The following SYCP1 variants were observed in gnomAD, a reference collection of about 807,000 sequenced individuals.
The protein encoded by SYCP1 is synaptonemal complex protein 1, also known as cancer/testis antigen 8.
SYCP1 carries 64 observed loss-of-function variants against 153.1 expected under a neutral mutation model. The observed-to-expected ratio is 0.42, with a 90% confidence interval of 0.34 to 0.51. The LOEUF (loss-of-function observed/expected upper bound fraction) is 0.51, where lower values mean the gene tolerates loss of function less well. Ranked by LOEUF, SYCP1 falls within the 20% of genes least tolerant of loss-of-function variation. SYCP1 has a pLI of 0.06. For missense variants in SYCP1, 997 were observed against 1,049.0 expected (o/e 0.95, Z 0.68); for synonymous variants, 384 against 341.8 (o/e 1.12, Z -1.36).
At chr1:114,923,367 G>T in intron 20 of SYCP1, 82 bp from the exon 21 acceptor site, 2 of 1,392,244 alleles carry the variant, frequency 1.4e-6, no homozygotes, top group South Asian at 1.4e-5. Context: ...TGGTCTTTAA[G>T]ACTTCCTTAT....
intron 27 of SYCP1, among the ~76,000 whole-genome samples, chr1:114,962,911 C>T (rs958041316): frequency 3.9e-5 from 6 of 152,120 alleles, no homozygotes; most frequent in Admixed American, 3.3e-4. Flanking sequence ...AAGACTTTAT[C>T]TTTTCTTCAT....
rs1374355168 is a variant in SYCP1 at position 114,955,325 on chromosome 1, A to AT, written c.2322+8011dup. On this transcript the variant is annotated intron_variant, in intron 27 of 31. Coordinates refer to ENST00000369522, the MANE Select transcript of SYCP1 (RefSeq NM_003176.4). Reference sequence around the variant, plus strand: ...GGCACTTGCTAGATTTAATCTGCTAATTTTTTGTTGAGGATTTAAAATATA... The same window carrying AT: ...GGCACTTGCTAGATTTAATCTGCTAATTTTTTTGTTGAGGATTTAAAATATA... Among the ~76,000 whole-genome samples the AT allele has an allele frequency of 7.2e-5, 11 of 152,176 alleles. No individual in the cohort carries two copies. In the East Asian group the frequency reaches 2.1e-3, roughly 29 times the overall value.
intron 27 of SYCP1, among the ~76,000 whole-genome samples, chr1:114,976,233 A>G (rs1484761894): frequency 1.3e-5 from 2 of 151,762 alleles, no homozygotes; most frequent in Non-Finnish European, 3.0e-5. Flanking sequence ...TCAAAAGGCT[A>G]TAGGCTGATA....
chr1:114,857,159 A>AAAAAAATT, intron 3 of SYCP1, 73 bp from the exon 4 acceptor site: 1 of 693,204 alleles, frequency 1.4e-6, no homozygotes, highest in Non-Finnish European at 2.2e-6. Flanking sequence ...AAAAAAAAAG[A>AAAAAAATT]GAAAAAAGAA....
intron 27 of SYCP1, among the ~76,000 whole-genome samples, chr1:114,969,292 C>T (rs920499906): frequency 2.0e-5 from 3 of 152,108 alleles, no homozygotes; most frequent in African/African-American, 7.2e-5. Context: ...GTGCCCCTTC[C>T]CCCAGGTGCT....
intron 27 of SYCP1, among the ~76,000 whole-genome samples, chr1:114,949,995 A>G (rs1670988144): frequency 6.6e-6 from 1 of 152,230 alleles, no homozygotes; most frequent in Non-Finnish European, 1.5e-5. Context: ...AGATAGATAT[A>G]AAAAATTTGG....
rs1271833385 is a variant in SYCP1 at position 114,975,249 on chromosome 1, T to C, written c.2323-2308T>C. On this transcript the variant is annotated intron_variant, in intron 27 of 31. Transcript: ENST00000369522. ...ATGATTCTGGATATTAACTCTTCAT[T>C]GATTATATATCTTAATAATGTTTTT... 2.1e-5 allele frequency among the ~76,000 whole-genome samples: 3 copies of C among 144,006 alleles called. No homozygotes were observed. In the Admixed American group the frequency reaches 2.1e-4, roughly 10 times the overall value. 94.5% of individuals were successfully genotyped at this position (144,006 alleles called of 152,430 possible). A position where few individuals can be genotyped will look rare whatever the true frequency, so the allele number is the denominator to read the frequency against.
chr1:114,940,948 A>G (rs1670344736), intron 23 of SYCP1, among the ~76,000 whole-genome samples: 1 of 152,156 alleles, frequency 6.6e-6, no homozygotes, highest in South Asian at 2.1e-4. Flanking sequence ...CTTTATTTCA[A>G]GGCCATATTA....
chr1:114,923,629 A>C, intron 21 of SYCP1, 99 bp downstream of exon 21: 1 of 1,210,308 alleles, frequency 8.3e-7, no homozygotes, highest in Non-Finnish European at 1.1e-6. Flanking sequence ...ACTGTTGTAT[A>C]AATAATAGTG....
chr1:114,885,755 C>T (rs934355328), intron 13 of SYCP1, 126 bp downstream of exon 13: 1 of 575,608 alleles, frequency 1.7e-6, no homozygotes, highest in African/African-American at 2.0e-5. Context: ...AGACACAATC[C>T]TAGTCTGCAA....
At chr1:114,872,587 A>C (rs1214476124) in intron 8 of SYCP1, among the ~76,000 whole-genome samples, 2 of 151,854 alleles carry the variant, frequency 1.3e-5, no homozygotes, top group Non-Finnish European at 2.9e-5. Context: ...ATTTAGGGAA[A>C]ATTCTTAGTC....
chr1:114,970,194 C>T (rs757383266), intron 27 of SYCP1, among the ~76,000 whole-genome samples: 6 of 152,004 alleles, frequency 3.9e-5, no homozygotes, highest in Admixed American at 6.6e-5. Context: ...TTTACTTGTT[C>T]GGTTCTATTG....
intron 20 of SYCP1, among the ~76,000 whole-genome samples, chr1:114,916,335 A>C (rs1300708784): frequency 6.6e-6 from 1 of 152,088 alleles, no homozygotes; most frequent in Non-Finnish European, 1.5e-5. Flanking sequence ...TGGCACATAA[A>C]TACTTTTTCC....
At chr1:114,992,434 T>C (rs1673985470) in intron 30 of SYCP1, among the ~76,000 whole-genome samples, 2 of 151,708 alleles carry the variant, frequency 1.3e-5, no homozygotes, top group Non-Finnish European at 3.0e-5. Flanking sequence ...ATAGTACTTG[T>C]ATAAGGTCAG....
chr1:114,859,049 G>A (rs564202325), intron 6 of SYCP1, among the ~76,000 whole-genome samples: 1 of 152,054 alleles, frequency 6.6e-6, no homozygotes, highest in East Asian at 1.9e-4. Context: ...TACAATAGTT[G>A]TAGGTAACAC....
intron 23 of SYCP1, among the ~76,000 whole-genome samples, chr1:114,935,235 A>G (rs541144194): frequency 1.3e-5 from 2 of 152,368 alleles, no homozygotes; most frequent in East Asian, 3.9e-4. Flanking sequence ...ATCAAACTAG[A>G]ACTCAGGATT....
chr1:114,990,131 T>C (rs1222446683), intron 30 of SYCP1, among the ~76,000 whole-genome samples: 2 of 151,950 alleles, frequency 1.3e-5, no homozygotes, highest in Non-Finnish European at 2.9e-5. Context: ...GGATAGACAT[T>C]ACACAAGATA....
chr1:114,937,182 T>G (rs1444778271), intron 23 of SYCP1, among the ~76,000 whole-genome samples: 1 of 151,820 alleles, frequency 6.6e-6, no homozygotes, highest in Admixed American at 6.6e-5. Flanking sequence ...GCATGGTACT[T>G]GTACCAAAAC....
At chr1:114,932,486 G>A (rs1669697353) in intron 23 of SYCP1, among the ~76,000 whole-genome samples, 1 of 152,224 alleles carries the variant, frequency 6.6e-6, no homozygotes, top group Non-Finnish European at 1.5e-5. Flanking sequence ...CTCCCAGCAT[G>A]AGTGACGCAG....
Sources: allele counts gnomAD v4.1 joint callset (sites outside exome capture counted in the v4.1 genomes callset), GRCh38; gene constraint gnomAD v4.1.1; transcripts MANE v1.5; gene names NCBI Gene and HGNC (gene_info 2026-07-23, HGNC 2026-07-21).